Variants in BBC3 observed in about 807,000 individuals in gnomAD.
BBC3 encodes BCL2 binding component 3.
Under a neutral mutation model 18.2 loss-of-function variants are expected in BBC3, and 5 were observed. The ratio of observed to expected loss-of-function variants is 0.27; its 90% CI spans 0.14 to 0.58. The LOEUF (loss-of-function observed/expected upper bound fraction) is 0.58, where lower values mean the gene tolerates loss of function less well. BBC3 is among the 20% of genes least tolerant of loss of function. The probability of loss-of-function intolerance (pLI) is 0.91; values close to 1 mark genes in which losing one functional copy is unlikely to be tolerated. For missense variants in BBC3, 224 were observed against 268.9 expected (o/e 0.83, Z 1.17); for synonymous variants, 119 against 128.0 (o/e 0.93, Z 0.47).
chr19:47,228,070 C>T lies in BBC3; in HGVS notation c.274+88G>A, dbSNP rs898349103. ...CCCGGCTGGGCCCGCCACCTCCCCC[C>T]GTCCTCTCCCACTTCTCCAGTTCCT... On this transcript the variant is annotated intron_variant, in intron 2 of 3. Coordinates refer to ENST00000439096, the MANE Select transcript of BBC3 (RefSeq NM_014417.5). This position sits in a 1 kb window ranked among gnomAD's most constrained non-coding sequence, Gnocchi z 5.5. 8.4e-6 allele frequency: 9 copies of T among 1,073,480 alleles called. No individual in the cohort carries two copies. In the African/African-American group the frequency reaches 9.9e-5, roughly 12 times the overall value. The allele number at this position is 1,073,480 out of a possible 1,614,324, so 66.5% of individuals were successfully genotyped here.
At chr19:47,227,001 C>T (rs917129393) in intron 2 of BBC3, 13 of 373,834 alleles carry the variant, frequency 3.5e-5, no homozygotes, top group Middle Eastern at 3.6e-4. Context: ...GGAAGGTAGA[C>T]GGCCAGAGAG....
chr19:47,231,848 C>T (rs2058918794), upstream of BBC3, among the ~76,000 whole-genome samples: 1 of 152,182 alleles, frequency 6.6e-6, no homozygotes, highest in Non-Finnish European at 1.5e-5. The surrounding 1 kb of genome is among the most constrained non-coding windows in gnomAD (Gnocchi z 4.0). Flanking sequence ...CAGGCACCCA[C>T]ACCACACACA....
At chr19:47,226,078 C>T (rs1348049628) in intron 3 of BBC3, among the ~76,000 whole-genome samples, 1 of 151,600 alleles carries the variant, frequency 6.6e-6, no homozygotes, top group Non-Finnish European at 1.5e-5. Flanking sequence ...GTGCCAGGGG[C>T]TGGGGGGCGG....
chr19:47,221,657 C>T lies in BBC3; in HGVS notation c.*145G>A. ...GGCTGGGCTGGGGCTGGAGTGGCTG[C>T]CCCGGCCCGCCCCCGGGACAGGCAG... On this transcript the variant is annotated 3_prime_UTR_variant, in exon 4 of 4. Coordinates refer to ENST00000439096, the MANE Select transcript of BBC3 (RefSeq NM_014417.5). 1 of 1,495,848 alleles carries T rather than the reference C, an allele frequency of 6.7e-7. No homozygotes were observed. The highest frequency in any genetic ancestry group is 8.9e-7 in the Non-Finnish European group (1 of 1,121,728). The allele number at this position is 1,495,848 out of a possible 1,614,324, so 92.7% of individuals were successfully genotyped here.
At position 47,228,645 on chromosome 19, in the gene BBC3, A is replaced by T. The variant is rs1015776655; in HGVS notation, c.-15-199T>A. On this transcript the variant is annotated intron_variant, in intron 1 of 3. Coordinates refer to ENST00000439096, the MANE Select transcript of BBC3 (RefSeq NM_014417.5). This position sits in a 1 kb window ranked among gnomAD's most constrained non-coding sequence, Gnocchi z 5.5. ...GGCTGGCCTGGAGAGCCTCCCGTGC[A>T]TACGGTGATGGGCACACAGGAGGGA... 1.3e-5 allele frequency among the ~76,000 whole-genome samples: 2 copies of T among 152,022 alleles called. No homozygotes were observed. The highest frequency in any genetic ancestry group is 4.8e-5 in the African/African-American group (2 of 41,382).
At position 47,230,797 on chromosome 19, in the gene BBC3, G is replaced by T. The variant is rs925295909; in HGVS notation, c.-16+132C>A. ...ACCCTGGCCCAGGGTCCCTCGCGGG[G>T]TTTGGAGAGGCGCGGTGTGGGGAGG... On this transcript the variant is annotated intron_variant, in intron 1 of 3. Transcript: ENST00000439096. The surrounding 1 kb of genome is among the most constrained non-coding windows in gnomAD (Gnocchi z 6.7). The T allele has an allele frequency of 4.1e-6, 4 of 985,178 alleles. No homozygotes were observed. The highest frequency in any genetic ancestry group is 4.8e-6 in the Non-Finnish European group (4 of 829,930). The allele number at this position is 985,178 out of a possible 1,614,324, so 61.0% of individuals were successfully genotyped here.
upstream of BBC3, chr19:47,232,693 TTTC>T: frequency 8.1e-7 from 1 of 1,238,590 alleles, no homozygotes; most frequent in East Asian, 2.7e-5. Context: ...GTCCTTCCTT[TTTC>T]CAAAGCCGTG....
chr19:47,224,766 T>C (rs923269253), intron 3 of BBC3, among the ~76,000 whole-genome samples: 6 of 151,266 alleles, frequency 4.0e-5, no homozygotes, highest in African/African-American at 1.5e-4. Flanking sequence ...AGTTTCATTC[T>C]GTCCTCCAGG....
rs1033824082 is a variant in BBC3 at position 47,230,728 on chromosome 19, C to T, written c.-16+201G>A. Reference sequence around the variant, plus strand: ...CCGCCAGACCGCCGAGGCACCTGTGCGCCCAGACCGGCGCCCCAACGCCGA... The same window carrying T: ...CCGCCAGACCGCCGAGGCACCTGTGTGCCCAGACCGGCGCCCCAACGCCGA... On this transcript the variant is annotated intron_variant, in intron 1 of 3. Transcript: ENST00000439096. The surrounding 1 kb of genome is among the most constrained non-coding windows in gnomAD (Gnocchi z 6.7). 7 of 985,056 alleles carry T rather than the reference C, an allele frequency of 7.1e-6. No homozygotes were observed. Among genetic ancestry groups the T allele is most frequent in the Admixed American group, 6.2e-5 (1 of 16,254 alleles). The allele number at this position is 985,056 out of a possible 1,614,324, so 61.0% of individuals were successfully genotyped here. A position where few individuals can be genotyped will look rare whatever the true frequency, so the allele number is the denominator to read the frequency against.
upstream of BBC3, chr19:47,231,283 G>A: frequency 6.2e-6 from 5 of 807,604 alleles, no homozygotes; most frequent in Non-Finnish European, 7.5e-6. This position sits in a 1 kb window ranked among gnomAD's most constrained non-coding sequence, Gnocchi z 4.0. Context: ...CCCACGCCCC[G>A]CCCCCGCGTG....
rs1316133794 is a variant in BBC3, at chr19:47,226,695, G to C, written c.334C>G (p.Pro112Ala). ...GTGGGACCGCCCGCCAGAGCCCCCG[G>C]GGCGCTGGGCACGGGCGACTCCAGG... Reference protein sequence around the residue: ...QHLESPVPSAPGALAGGPTQA... With the variant: ...QHLESPVPSAAGALAGGPTQA... Residue 112 changes from proline (P) to alanine (A), a missense_variant, in exon 3 of 4, where the codon CCG becomes GCG. Coordinates refer to ENST00000439096, the MANE Select transcript of BBC3 (RefSeq NM_014417.5). 1.4e-6 allele frequency: 2 copies of C among 1,480,718 alleles called. No individual in the cohort carries two copies. The highest frequency in any genetic ancestry group is 1.8e-6 in the Non-Finnish European group (2 of 1,118,234). The allele number at this position is 1,480,718 out of a possible 1,614,324, so 91.7% of individuals were successfully genotyped here. A position where few individuals can be genotyped will look rare whatever the true frequency, so the allele number is the denominator to read the frequency against.
chr19:47,227,791 G>A (rs1368901820), intron 2 of BBC3, among the ~76,000 whole-genome samples: 3 of 152,174 alleles, frequency 2.0e-5, no homozygotes, highest in Non-Finnish European at 4.4e-5. Flanking sequence ...CCAGAGGCCA[G>A]AGTTGACAGT....
chr19:47,226,315 T>G (rs1258938129), intron 3 of BBC3, among the ~76,000 whole-genome samples: 1 of 151,690 alleles, frequency 6.6e-6, no homozygotes, highest in Non-Finnish European at 1.5e-5. Context: ...GCTCCACTCC[T>G]CGGCGGCCTA....
At position 47,231,113 on chromosome 19, in the gene BBC3, C is replaced by T. The variant is rs1198951990; in HGVS notation, c.-200G>A. 1.0e-6 allele frequency: 1 copy of T among 977,754 alleles called. No homozygotes were observed. The highest frequency in any genetic ancestry group is 1.2e-6 in the Non-Finnish European group (1 of 822,518). The allele number at this position is 977,754 out of a possible 1,614,324, so 60.6% of individuals were successfully genotyped here. ...GCTGCTGCTCCCCGGGCCGCAGGCGCGTCCGCGTCGTGGCCGCTGCTGGGA... is the reference window on the plus strand; with the variant it reads ...GCTGCTGCTCCCCGGGCCGCAGGCGTGTCCGCGTCGTGGCCGCTGCTGGGA... On this transcript the variant is annotated 5_prime_UTR_variant, in exon 1 of 4. Coordinates refer to ENST00000439096, the MANE Select transcript of BBC3 (RefSeq NM_014417.5). The surrounding 1 kb of genome is among the most constrained non-coding windows in gnomAD (Gnocchi z 4.0).
In BBC3 at chr19:47,230,992, C is replaced by T. The variant is rs2058907437; in HGVS notation, c.-79G>A. On this transcript the variant is annotated 5_prime_UTR_variant, in exon 1 of 4. Transcript: ENST00000439096. This position sits in a 1 kb window ranked among gnomAD's most constrained non-coding sequence, Gnocchi z 6.7. ...GGGCGGGCGGCTTCCTTCAGGAGGGCGCGCCCGCCGAGCGCCGCTCTCCGC... is the reference window on the plus strand; with the variant it reads ...GGGCGGGCGGCTTCCTTCAGGAGGGTGCGCCCGCCGAGCGCCGCTCTCCGC... 4.1e-6 allele frequency: 4 copies of T among 985,688 alleles called. No homozygotes were observed. The African/African-American group carries it at 5.2e-5, about 13-fold the overall frequency. 61.1% of individuals were successfully genotyped at this position (985,688 alleles called of 1,614,324 possible). A position where few individuals can be genotyped will look rare whatever the true frequency, so the allele number is the denominator to read the frequency against.
chr19:47,226,238 C>G (rs899307547), intron 3 of BBC3, among the ~76,000 whole-genome samples: 3 of 151,708 alleles, frequency 2.0e-5, no homozygotes, highest in African/African-American at 7.2e-5. Context: ...ATAAATAGCC[C>G]GGGATATATG....
Position 47,231,095 on chromosome 19 carries a change from C to T in BBC3, c.-182G>A. ...GCTGCTGTGGCTGTGGCTGCTGCTG[C>T]TCCCCGGGCCGCAGGCGCGTCCGCG... On this transcript the variant is annotated 5_prime_UTR_variant, in exon 1 of 4. Coordinates refer to ENST00000439096, the MANE Select transcript of BBC3 (RefSeq NM_014417.5). The surrounding 1 kb of genome is among the most constrained non-coding windows in gnomAD (Gnocchi z 4.0). The T allele has an allele frequency of 1.0e-6, 1 of 972,544 alleles. No homozygotes were observed. Among genetic ancestry groups the T allele is most frequent in the Non-Finnish European group, 1.2e-6 (1 of 817,646 alleles). The allele number at this position is 972,544 out of a possible 1,614,324, so 60.2% of individuals were successfully genotyped here. A position where few individuals can be genotyped will look rare whatever the true frequency, so the allele number is the denominator to read the frequency against.
chr19:47,231,032 T>TGGCTGTCGCTGCTGC lies in BBC3; in HGVS notation c.-134_-120dup, dbSNP rs1568626196. 5 of 982,198 alleles carry TGGCTGTCGCTGCTGC rather than the reference T, an allele frequency of 5.1e-6. No individual in the cohort carries two copies. The highest frequency in any genetic ancestry group is 6.1e-6 in the Non-Finnish European group (5 of 826,430). 60.8% of individuals were successfully genotyped at this position (982,198 alleles called of 1,614,324 possible). A position where few individuals can be genotyped will look rare whatever the true frequency, so the allele number is the denominator to read the frequency against. The stretch of plus-strand genomic sequence containing the variant: ...CCGCTCTCCGCGGCGGCTGCTGCTG[T>TGGCTGTCGCTGCTGC]GGCTGTCGCTGCTGCTGCCGCTCTA... On this transcript the variant is annotated 5_prime_UTR_variant, in exon 1 of 4. Transcript: ENST00000439096. The surrounding 1 kb of genome is among the most constrained non-coding windows in gnomAD (Gnocchi z 4.0).
Position 47,228,063 on chromosome 19 carries a change from C to G in BBC3, c.274+95G>C. The G allele has an allele frequency of 2.9e-6, 3 of 1,044,698 alleles. No individual in the cohort carries two copies. The highest frequency in any genetic ancestry group is 3.6e-4 in the Middle Eastern group (1 of 2,758). 64.7% of individuals were successfully genotyped at this position (1,044,698 alleles called of 1,614,324 possible). On this transcript the variant is annotated intron_variant, in intron 2 of 3. Coordinates refer to ENST00000439096, the MANE Select transcript of BBC3 (RefSeq NM_014417.5). This position sits in a 1 kb window ranked among gnomAD's most constrained non-coding sequence, Gnocchi z 5.5. The stretch of plus-strand genomic sequence containing the variant: ...CCAGTGGCCCGGCTGGGCCCGCCAC[C>G]TCCCCCCGTCCTCTCCCACTTCTCC...
Sources: allele counts gnomAD v4.1 joint callset (sites outside exome capture counted in the v4.1 genomes callset), GRCh38; gene constraint gnomAD v4.1.1; non-coding constraint Gnocchi (gnomAD v3.1); transcripts MANE v1.5; gene names NCBI Gene and HGNC (gene_info 2026-07-23, HGNC 2026-07-21).